Variants in MIGA1 observed in about 807,000 individuals in gnomAD.
MIGA1 encodes mitoguardin 1, also known as family with sequence similarity 73, member A.
MIGA1 carries 58 observed loss-of-function variants against 82.0 expected under a neutral mutation model. That is an observed-to-expected ratio of 0.71 (90% CI 0.57 to 0.88). The LOEUF is 0.88. Among genes scored for constraint, MIGA1 ranks in the 40% least tolerant of loss-of-function variants. The probability of loss-of-function intolerance (pLI) is 0.00; values close to 1 mark genes in which losing one functional copy is unlikely to be tolerated. For missense variants in MIGA1, 751 were observed against 749.1 expected, an observed-to-expected ratio of 1.00 and a Z score of -0.03; for synonymous variants, 249 against 253.6, an observed-to-expected ratio of 0.98 and a Z score of 0.17.
rs1381634095 is a variant in MIGA1, at chr1:77,859,271, C to T, written c.1116-43C>T. The T allele has an allele frequency of 4.6e-5, 68 of 1,478,336 alleles. No homozygotes were observed. The East Asian group carries it at 1.5e-3, about 33-fold the overall frequency. The allele number at this position is 1,478,336 out of a possible 1,614,324, so 91.6% of individuals were successfully genotyped here. A position where few individuals can be genotyped will look rare whatever the true frequency, so the allele number is the denominator to read the frequency against. On this transcript the variant is annotated intron_variant, in intron 9 of 15. Transcript: ENST00000370791. Reference sequence around the variant, plus strand: ...AATCCAAATTTATAGTAGGCTTGATCTTGAATGTAGTTTAACAATTGTCTC... The same window carrying T: ...AATCCAAATTTATAGTAGGCTTGATTTTGAATGTAGTTTAACAATTGTCTC...
intron 2 of MIGA1, among the ~76,000 whole-genome samples, chr1:77,791,266 CAA>C (rs958209426): frequency 2.7e-5 from 3 of 113,096 alleles, no homozygotes; most frequent in Non-Finnish European, 5.7e-5. Context: ...AAAAAAAAAA[CAA>C]AAAACTGCTA....
At chr1:77,869,384 T>C (rs1365384894) in intron 14 of MIGA1, among the ~76,000 whole-genome samples, 1 of 149,614 alleles carries the variant, frequency 6.7e-6, no homozygotes. Context: ...CTCAATTTTT[T>C]CCCCACTCTT....
At chr1:77,820,965 CT>C (rs1683782610) in intron 7 of MIGA1, among the ~76,000 whole-genome samples, 2 of 151,974 alleles carry the variant, frequency 1.3e-5, no homozygotes, top group African/African-American at 4.8e-5. Context: ...GAAACCTCGT[CT>C]CTACTAAAAA....
At chr1:77,803,235 T>C (rs1682957387) in intron 3 of MIGA1, 35 bp from the exon 4 acceptor site, 2 of 1,310,202 alleles carry the variant, frequency 1.5e-6, no homozygotes, top group East Asian at 2.7e-5. Context: ...ATTGGCGTTA[T>C]TGATATTTTT....
At chr1:77,842,067 T>G (rs1684650381) in intron 7 of MIGA1, among the ~76,000 whole-genome samples, 1 of 151,784 alleles carries the variant, frequency 6.6e-6, no homozygotes, top group Non-Finnish European at 1.5e-5. Context: ...ATTACAGGCA[T>G]GAGCTACCTC....
chr1:77,851,092 ACTC>A (rs1685030699), intron 8 of MIGA1, among the ~76,000 whole-genome samples: 1 of 149,620 alleles, frequency 6.7e-6, no homozygotes, highest in Non-Finnish European at 1.5e-5. Flanking sequence ...CTGGTCTTGA[ACTC>A]CTGACCCTCA....
At chr1:77,812,410 C>T (rs1289600920) in intron 5 of MIGA1, among the ~76,000 whole-genome samples, 1 of 152,000 alleles carries the variant, frequency 6.6e-6, no homozygotes, top group Non-Finnish European at 1.5e-5. Context: ...TGCCACTGCT[C>T]TCCAGCCTGG....
intron 7 of MIGA1, among the ~76,000 whole-genome samples, chr1:77,815,704 A>ATCT (rs1683546260): frequency 6.6e-6 from 1 of 152,186 alleles, no homozygotes; most frequent in Non-Finnish European, 1.5e-5. Context: ...TAAAGAGAAA[A>ATCT]GAGTTTTAAA....
At chr1:77,861,442 A>G (rs1431876900) in intron 12 of MIGA1, 120 bp downstream of exon 12, 3 of 671,284 alleles carry the variant, frequency 4.5e-6, no homozygotes, top group African/African-American at 1.9e-5. Context: ...GTTGTGGGAC[A>G]TCTTTTTTTC....
Position 77,871,087 on chromosome 1 carries a change from TGGGAAG to T in MIGA1, c.1564-1913_1564-1908del, listed in dbSNP as rs1282519462. 2.1e-4 allele frequency among the ~76,000 whole-genome samples: 8 copies of T among 38,116 alleles called. No individual in the cohort carries two copies. In the South Asian group the frequency reaches 6.4e-3, roughly 31 times the overall value. The allele number at this position is 38,116 out of a possible 152,430, so 25.0% of individuals were successfully genotyped here. A position where few individuals can be genotyped will look rare whatever the true frequency, so the allele number is the denominator to read the frequency against. On this transcript the variant is annotated intron_variant, in intron 14 of 15. Transcript: ENST00000370791. ...AGAGGGAGACCGTGGAAGGAGACCGTGGGAAGGGGGAGAGGGAGAGGGAGAGGGAGA... is the reference window on the plus strand; with the variant it reads ...AGAGGGAGACCGTGGAAGGAGACCGTGGGGAGAGGGAGAGGGAGAGGGAGA...
chr1:77,874,053 A>T (rs1646872672), intron 15 of MIGA1, among the ~76,000 whole-genome samples: 1 of 152,192 alleles, frequency 6.6e-6, no homozygotes, highest in African/African-American at 2.4e-5. Flanking sequence ...TCAGATATAA[A>T]ATCCAGTGAA....
Position 77,807,193 on chromosome 1 carries a change from ACT to A in MIGA1, c.637+95_637+96del, listed in dbSNP as rs1683133710. On this transcript the variant is annotated intron_variant, in intron 5 of 15. Transcript: ENST00000370791. ...TATTTATTGAGACAGACAGGGTCTC[ACT>A]CTGTCACCCAGGCTGGAGTACGGTG... The A allele has an allele frequency of 2.9e-6, 3 of 1,018,882 alleles. No individual in the cohort carries two copies. The Admixed American group carries it at 7.1e-5, about 24-fold the overall frequency. The allele number at this position is 1,018,882 out of a possible 1,614,324, so 63.1% of individuals were successfully genotyped here.
intron 7 of MIGA1, among the ~76,000 whole-genome samples, chr1:77,837,894 T>C (rs1470533905): frequency 2.6e-5 from 4 of 152,264 alleles, no homozygotes; most frequent in African/African-American, 4.8e-5. Context: ...TTTGCTGTTA[T>C]ATTTAACACT....
chr1:77,783,484 C>A (rs1158707364), intron 2 of MIGA1, 133 bp downstream of exon 2: 2 of 456,182 alleles, frequency 4.4e-6, no homozygotes, highest in Non-Finnish European at 7.4e-6. Flanking sequence ...AGTTAAAAAA[C>A]CTACTTGGTT....
At chr1:77,827,058 G>A (rs1006820203) in intron 7 of MIGA1, among the ~76,000 whole-genome samples, 5 of 151,666 alleles carry the variant, frequency 3.3e-5, no homozygotes, top group Non-Finnish European at 7.4e-5. Context: ...CCACTCAGCT[G>A]GGCCTCCCAA....
intron 14 of MIGA1, 106 bp from the exon 15 acceptor site, chr1:77,872,898 T>G: frequency 1.4e-6 from 2 of 1,453,424 alleles, no homozygotes; most frequent in Non-Finnish European, 1.9e-6. Flanking sequence ...CAAATTTTCT[T>G]AAACTCCCAC....
At chr1:77,872,905 C>T in intron 14 of MIGA1, 99 bp from the exon 15 acceptor site, 1 of 1,485,210 alleles carries the variant, frequency 6.7e-7, no homozygotes, top group Non-Finnish European at 9.2e-7. Context: ...TCTTAAACTC[C>T]CACTGGTCAT....
chr1:77,859,014 T>C lies in MIGA1; in HGVS notation c.1073T>C (p.Met358Thr), dbSNP rs780543041. The C allele has an allele frequency of 1.9e-6, 3 of 1,613,800 alleles. No individual in the cohort carries two copies. Among genetic ancestry groups the C allele is most frequent in the South Asian group, 1.1e-5 (1 of 91,080 alleles). Residue 358 changes from methionine to threonine, a missense_variant, in exon 9 of 16, where the codon ATG becomes ACG. This residue lies in a region of MIGA1 where 482 missense variants were observed against 439.4 expected (regional missense o/e 1.10). Coordinates refer to ENST00000370791, the MANE Select transcript of MIGA1 (RefSeq NM_198549.4). Reference sequence around the variant, plus strand: ...CACTGCCCATTTTACGAGGAAGCCATGCATTTAGTTGAAGAAGGAAAAATT... The same window carrying C: ...CACTGCCCATTTTACGAGGAAGCCACGCATTTAGTTGAAGAAGGAAAAATT...
chr1:77,877,685 T>G lies in MIGA1; in HGVS notation c.*2621T>G, dbSNP rs1282484696. The G allele has an allele frequency of 1.3e-5, 2 of 152,642 alleles. No individual in the cohort carries two copies. The highest frequency in any genetic ancestry group is 6.5e-5 in the Admixed American group (1 of 15,282). 9.5% of individuals were successfully genotyped at this position (152,642 alleles called of 1,614,324 possible). ...CAAAGCTGTAAGTAAATGTAATTTA[T>G]TTTAGAAAGATATTATTTGAAATCA... is the stretch of plus-strand genomic sequence containing the variant. On this transcript the variant is annotated 3_prime_UTR_variant, in exon 16 of 16. Coordinates refer to ENST00000370791, the MANE Select transcript of MIGA1 (RefSeq NM_198549.4).
Sources: gnomAD v4.1 joint callset for allele counts (sites outside exome capture counted in the v4.1 genomes callset) on GRCh38, gnomAD v4.1.1 for gene constraint, gnomAD v4.1.1 regional missense constraint, MANE v1.5 for transcripts, NCBI Gene and HGNC (gene_info 2026-07-23, HGNC 2026-07-21) for gene names.